DIAPH2: variants seen among roughly 807,000 people sequenced by gnomAD.
DIAPH2 encodes the protein protein diaphanous homolog 2.
DIAPH2 carries 35 observed loss-of-function variants against 92.7 expected under a neutral mutation model. That is an observed-to-expected ratio of 0.38 (90% CI 0.29 to 0.50). DIAPH2 has a LOEUF of 0.50. Ranked by LOEUF, DIAPH2 falls within the 20% of genes least tolerant of loss-of-function variation. DIAPH2 has a pLI of 0.94. For missense variants in DIAPH2, 701 were observed against 819.5 expected, an observed-to-expected ratio of 0.86 and a Z score of 1.77; for synonymous variants, 301 against 280.4, an observed-to-expected ratio of 1.07 and a Z score of -0.73.
chrX:97,069,559 T>C (rs987066075), intron 17 of DIAPH2, among the ~76,000 whole-genome samples: 3 of 111,516 alleles, frequency 2.7e-5, no homozygotes, highest in East Asian at 5.6e-4. Context: ...GACCATGCAG[T>C]ATGAGTAGAT....
chrX:97,172,951 C>T (rs12834268), intron 22 of DIAPH2, among the ~76,000 whole-genome samples: 169 of 112,170 alleles, frequency 1.5e-3, no homozygotes, highest in Middle Eastern at 0.014. Flanking sequence ...CCTATGTCCA[C>T]GACTTTGAAA....
At chrX:96,950,290 A>C (rs1161423794) in intron 15 of DIAPH2, among the ~76,000 whole-genome samples, 1 of 110,905 alleles carries the variant, frequency 9.0e-6, no homozygotes, top group African/African-American at 3.3e-5. Flanking sequence ...GTAGGGGTCA[A>C]GTCTCTTGAG....
intron 25 of DIAPH2, among the ~76,000 whole-genome samples, chrX:97,427,763 C>T (rs1382104652): frequency 1.8e-5 from 2 of 110,805 alleles, no homozygotes; most frequent in African/African-American, 6.6e-5. Flanking sequence ...TCACTGTAAC[C>T]TCTGGCTCCC....
rs749283847 is a variant in DIAPH2, at chrX:97,239,808, T to G, written c.2720-7907T>G. Among the ~76,000 whole-genome samples the G allele has an allele frequency of 3.7e-5, 4 of 107,895 alleles. No homozygotes were observed. The East Asian group carries it at 1.2e-3, about 32-fold the overall frequency. The allele number at this position is 107,895 out of a possible 115,157, so 93.7% of individuals were successfully genotyped here. ...AATATTCTTGGCACTACAGGTACCA[T>G]CATCACCCTGCAACCTCTAGTAAAA... On this transcript the variant is annotated intron_variant, in intron 22 of 26. Transcript: ENST00000324765.
intron 8 of DIAPH2, among the ~76,000 whole-genome samples, chrX:96,917,471 A>T (rs984968658): frequency 9.0e-6 from 1 of 111,647 alleles, no homozygotes; most frequent in African/African-American, 3.2e-5. Context: ...TGAGAATGAG[A>T]TAACATATGT....
intron 1 of DIAPH2, among the ~76,000 whole-genome samples, chrX:96,732,721 C>A (rs1485174234): frequency 3.6e-5 from 4 of 111,975 alleles, no homozygotes; most frequent in Admixed American, 1.9e-4. Flanking sequence ...TAAAACAAAG[C>A]ACAGTCCTTC....
At chrX:97,349,957 G>A (rs1169476526) in intron 24 of DIAPH2, among the ~76,000 whole-genome samples, 1 of 112,015 alleles carries the variant, frequency 8.9e-6, no homozygotes, top group Non-Finnish European at 1.9e-5. Context: ...TTGACACACT[G>A]AAATGATAAA....
intron 22 of DIAPH2, among the ~76,000 whole-genome samples, chrX:97,190,306 G>C (rs1167049023): frequency 8.9e-6 from 1 of 112,667 alleles, no homozygotes; most frequent in African/African-American, 3.2e-5. Context: ...TGTGATTCTA[G>C]GATATTACGC....
At chrX:96,728,168 A>C (rs34337431) in intron 1 of DIAPH2, among the ~76,000 whole-genome samples, 1 of 111,434 alleles carries the variant, frequency 9.0e-6, no homozygotes, top group African/African-American at 3.3e-5. Context: ...ATACCTGAGA[A>C]ACTCATAGTT....
intron 22 of DIAPH2, among the ~76,000 whole-genome samples, chrX:97,176,752 C>A (rs1244281744): frequency 9.0e-6 from 1 of 111,316 alleles, no homozygotes; most frequent in Non-Finnish European, 1.9e-5. Context: ...TGGTCTTGAT[C>A]TCCTGACCTC....
chrX:96,754,281 ATTAT>A (rs371039269), intron 3 of DIAPH2, among the ~76,000 whole-genome samples: 11 of 111,881 alleles, frequency 9.8e-5, no homozygotes, highest in African/African-American at 3.3e-4. Context: ...CTCAGTTAGA[ATTAT>A]TTGTTACTAC....
At chrX:97,143,840 A>G (rs1262010472) in intron 22 of DIAPH2, among the ~76,000 whole-genome samples, 1 of 111,707 alleles carries the variant, frequency 9.0e-6, no homozygotes, top group Non-Finnish European at 1.9e-5. Flanking sequence ...AAATCCTCTC[A>G]TTTGAAGTAA....
chrX:96,990,727 C>G (rs2066063942), intron 17 of DIAPH2, among the ~76,000 whole-genome samples: 1 of 111,170 alleles, frequency 9.0e-6, no homozygotes, highest in East Asian at 2.8e-4. Flanking sequence ...TGAGAGGAAG[C>G]TAATACCACT....
rs150120235 is a variant in DIAPH2, at chrX:97,454,385, A to G, written c.3241+24640A>G. ...ACTGTATAATTGGTCTCAACTATGT[A>G]AAAAAAAGAAATAGGTATATATATA... On this transcript the variant is annotated intron_variant, in intron 26 of 26. Coordinates refer to ENST00000324765, the MANE Select transcript of DIAPH2 (RefSeq NM_006729.5). Among the ~76,000 whole-genome samples the G allele has an allele frequency of 3.0e-3, 329 of 109,193 alleles. 1 individual carries two copies. Among genetic ancestry groups the G allele is most frequent in the African/African-American group, 9.3e-3 (267 of 28,609 alleles). 94.8% of individuals were successfully genotyped at this position (109,193 alleles called of 115,157 possible). A position where few individuals can be genotyped will look rare whatever the true frequency, so the allele number is the denominator to read the frequency against.
chrX:96,894,427 A>T (rs2065329075), intron 5 of DIAPH2, among the ~76,000 whole-genome samples: 1 of 111,906 alleles, frequency 8.9e-6, no homozygotes, highest in Non-Finnish European at 1.9e-5. Flanking sequence ...ATAAATTTCC[A>T]TATGTGAATT....
Position 96,787,064 on chromosome X carries a change from A to G in DIAPH2, c.447+28806A>G, listed in dbSNP as rs190901438. ...TCTCCATTTTTTCCGTGATTACCAC[A>G]ATAAAATAGGCAAGCAGGAAAAATT... On this transcript the variant is annotated intron_variant, in intron 4 of 26. Coordinates refer to ENST00000324765, the MANE Select transcript of DIAPH2 (RefSeq NM_006729.5). 2.9e-3 allele frequency among the ~76,000 whole-genome samples: 330 copies of G among 112,000 alleles called. 2 individuals carry two copies. Among genetic ancestry groups the G allele is most frequent in the African/African-American group, 0.01 (313 of 30,840 alleles).
intron 26 of DIAPH2, among the ~76,000 whole-genome samples, chrX:97,555,936 C>G (rs887192996): frequency 8.9e-6 from 1 of 111,962 alleles, no homozygotes; most frequent in Non-Finnish European, 1.9e-5. Context: ...TACCATTCTA[C>G]CACAGACCGG....
At chrX:96,980,706 G>T (rs141170728) in intron 17 of DIAPH2, among the ~76,000 whole-genome samples, 103 of 110,533 alleles carry the variant, frequency 9.3e-4, no homozygotes, top group African/African-American at 3.2e-3. Context: ...CTATGTATAT[G>T]TATAGAATAT....
rs373365872 is a variant in DIAPH2 at position 97,447,324 on chromosome X, G to A, written c.3241+17579G>A. On this transcript the variant is annotated intron_variant, in intron 26 of 26. Transcript: ENST00000324765. Reference sequence around the variant, plus strand: ...ATATTGCAGCTGCAGTGGTATTACGGGCTATCATTTCTTCCTGTTTCTCTC... The same window carrying A: ...ATATTGCAGCTGCAGTGGTATTACGAGCTATCATTTCTTCCTGTTTCTCTC... Among the ~76,000 whole-genome samples, 8 of 110,501 alleles carry A rather than the reference G, an allele frequency of 7.2e-5. No homozygotes were observed. In the East Asian group the frequency reaches 2.3e-3, roughly 31 times the overall value.
Sources: gnomAD v4.1 joint callset for allele counts (sites outside exome capture counted in the v4.1 genomes callset) on GRCh38, gnomAD v4.1.1 for gene constraint, MANE v1.5 for transcripts, NCBI Gene and HGNC (gene_info 2026-07-23, HGNC 2026-07-21) for gene names.